Variants in B4GALNT3 observed in about 807,000 individuals in gnomAD.
The protein encoded by B4GALNT3 is beta-1,4-N-acetyl-galactosaminyltransferase 3, also known as beta-1,4-N-acetylgalactosaminyltransferase 3.
In B4GALNT3, 86 loss-of-function variants were observed where a neutral mutation model predicts 120.2. The ratio of observed to expected loss-of-function variants is 0.72; its 90% confidence interval spans 0.60 to 0.86. B4GALNT3 has a LOEUF of 0.86. Ranked by LOEUF, B4GALNT3 falls within the 40% of genes least tolerant of loss-of-function variation. The probability of loss-of-function intolerance (pLI) is 0.00; values close to 1 mark genes in which losing one functional copy is unlikely to be tolerated. For missense variants in B4GALNT3, 1,167 were observed against 1,298.9 expected (o/e 0.90, Z 1.56); for synonymous variants, 518 against 510.4 (o/e 1.01, Z -0.20).
chr12:508,427 G>A (rs1342892398), intron 1 of B4GALNT3, among the ~76,000 whole-genome samples: 1 of 152,252 alleles, frequency 6.6e-6, no homozygotes, highest in South Asian at 2.1e-4. Flanking sequence ...CTACAGGTGT[G>A]TGCCACCATG....
At chr12:497,904 T>C (rs1946403066) in intron 1 of B4GALNT3, among the ~76,000 whole-genome samples, 1 of 152,184 alleles carries the variant, frequency 6.6e-6, no homozygotes, top group Non-Finnish European at 1.5e-5. Flanking sequence ...AACCACTTCC[T>C]AGCCTGTTTA....
rs1311853159 is a variant in B4GALNT3 at position 474,397 on chromosome 12, G to A, written c.169+13852G>A. Reference sequence around the variant, plus strand: ...TAGTACACTTATCAACCTTAGCATTGGATCAGAGTTATTTTTGTCTGTTTG... The same window carrying A: ...TAGTACACTTATCAACCTTAGCATTAGATCAGAGTTATTTTTGTCTGTTTG... On this transcript the variant is annotated intron_variant, in intron 1 of 19. Coordinates refer to ENST00000266383, the MANE Select transcript of B4GALNT3 (RefSeq NM_173593.4). Among the ~76,000 whole-genome samples the A allele has an allele frequency of 3.3e-5, 5 of 152,140 alleles. No homozygotes were observed. In the East Asian group the frequency reaches 9.6e-4, roughly 29 times the overall value.
intron 1 of B4GALNT3, among the ~76,000 whole-genome samples, chr12:498,555 G>A (rs1946410377): frequency 1.3e-5 from 2 of 152,116 alleles, no homozygotes; most frequent in South Asian, 4.2e-4. Flanking sequence ...CTAGCTTTAG[G>A]AGACAAGGAT....
In B4GALNT3 at chr12:543,180, G is replaced by A. The variant is rs115458639; in HGVS notation, c.352-1159G>A. On this transcript the variant is annotated intron_variant, in intron 3 of 19. Transcript: ENST00000266383. The stretch of plus-strand genomic sequence containing the variant: ...AGAGCAGACCTTGTCCCCAAGGCCA[G>A]GCCATGGGGTGAACATCAGCACCAG... The A allele has an allele frequency of 2.7e-4, 347 of 1,289,644 alleles. 3 individuals are homozygous for A. In the African/African-American group the frequency reaches 5.1e-3, roughly 19 times the overall value. The allele number at this position is 1,289,644 out of a possible 1,614,324, so 79.9% of individuals were successfully genotyped here. A position where few individuals can be genotyped will look rare whatever the true frequency, so the allele number is the denominator to read the frequency against.
rs774331919 is a variant in B4GALNT3 at position 548,182 on chromosome 12, A to G, written c.787-49A>G. The G allele has an allele frequency of 8.1e-6, 13 of 1,609,562 alleles. No homozygotes were observed. Among genetic ancestry groups the G allele is most frequent in the Non-Finnish European group, 1.1e-5 (13 of 1,176,036 alleles). On this transcript the variant is annotated intron_variant, in intron 8 of 19. Transcript: ENST00000266383. The surrounding 1 kb of genome is among the most constrained non-coding windows in gnomAD (Gnocchi z 4.9). The stretch of plus-strand genomic sequence containing the variant: ...CCTTGTCCCTTGACCCCTGTTGGAA[A>G]TCCAGCTACCTCCCACCTTCTGCAT...
At chr12:485,595 T>G (rs537714408) in intron 1 of B4GALNT3, among the ~76,000 whole-genome samples, 2 of 152,266 alleles carry the variant, frequency 1.3e-5, no homozygotes, top group African/African-American at 4.8e-5. Flanking sequence ...ATGACAACAA[T>G]GATTCTCAAC....
intron 1 of B4GALNT3, among the ~76,000 whole-genome samples, chr12:480,706 CCTG>C (rs139801914): frequency 0.42 from 63,156 of 151,650 alleles, 13,228 homozygotes; most frequent in Admixed American, 0.52. Context: ...CACCCCTCCT[CCTG>C]TCACCTGAGA....
At chr12:477,013 G>T (rs1356488627) in intron 1 of B4GALNT3, among the ~76,000 whole-genome samples, 1 of 152,140 alleles carries the variant, frequency 6.6e-6, no homozygotes, top group Admixed American at 6.5e-5. Flanking sequence ...GACTTGAGCT[G>T]CCCCTTAAAA....
At chr12:511,652 C>T (rs1946564238) in intron 1 of B4GALNT3, among the ~76,000 whole-genome samples, 1 of 148,080 alleles carries the variant, frequency 6.8e-6, no homozygotes, top group African/African-American at 2.5e-5. Flanking sequence ...CCTTCTTCCA[C>T]CTTCGAGCTT....
chr12:494,376 C>T (rs754842616), intron 1 of B4GALNT3, among the ~76,000 whole-genome samples: 10 of 152,010 alleles, frequency 6.6e-5, no homozygotes, highest in African/African-American at 9.7e-5. Context: ...CATCAGTCAG[C>T]GTTCACATTG....
Position 517,742 on chromosome 12 carries a change from A to G in B4GALNT3, c.170-17424A>G, listed in dbSNP as rs781585286. ...ATGTTATCAAACCCATCCTTCCTGC[A>G]TGAAGCAGGGCTGTGCCATGGGGAA... On this transcript the variant is annotated intron_variant, in intron 1 of 19. Transcript: ENST00000266383. Among the ~76,000 whole-genome samples, 7 of 147,148 alleles carry G rather than the reference A, an allele frequency of 4.8e-5. 1 individual carries two copies. Among genetic ancestry groups the G allele is most frequent in the Middle Eastern group, 3.4e-3 (1 of 290 alleles).
intron 9 of B4GALNT3, 124 bp from the exon 10 acceptor site, chr12:549,645 C>A: frequency 8.0e-7 from 1 of 1,249,076 alleles, no homozygotes; most frequent in Admixed American, 2.1e-5. Flanking sequence ...TGGCTGCGCA[C>A]ATCCTACACC....
intron 1 of B4GALNT3, among the ~76,000 whole-genome samples, chr12:505,933 AT>A (rs1946493098): frequency 6.6e-6 from 1 of 152,190 alleles, no homozygotes; most frequent in South Asian, 2.1e-4. Flanking sequence ...AACTCCATCC[AT>A]CTATTTTTGT....
chr12:561,831 C>A lies in B4GALNT3; in HGVS notation c.*380C>A. ...CACGCCAAGCGCTGACCACCAGACC[C>A]TCTTCTAGTGGACATATTTTATTGG... On this transcript the variant is annotated 3_prime_UTR_variant, in exon 20 of 20. Coordinates refer to ENST00000266383, the MANE Select transcript of B4GALNT3 (RefSeq NM_173593.4). 5.6e-6 allele frequency: 1 copy of A among 179,490 alleles called. No homozygotes were observed. Among genetic ancestry groups the A allele is most frequent in the Non-Finnish European group, 1.2e-5 (1 of 84,916 alleles). The allele number at this position is 179,490 out of a possible 1,614,324, so 11.1% of individuals were successfully genotyped here.
Position 552,522 on chromosome 12 carries a change from C to A in B4GALNT3, c.1264C>A (p.Gln422Lys), listed in dbSNP as rs764251022. ...CCAGCCTGAGAAGCAGGGGCTGGAGCAGCCAGGTACAGAGTGACAGCTGAG... is the reference window on the plus strand; with the variant it reads ...CCAGCCTGAGAAGCAGGGGCTGGAGAAGCCAGGTACAGAGTGACAGCTGAG... ...IDQPEKQGLE[Q>K]PGFEENLLEE... The change falls in exon 13 of 20, where the codon CAG (glutamine) becomes AAG (lysine). Residue 422 changes from glutamine (Q) to lysine (K), a missense_variant. This residue lies in a region of B4GALNT3 where 983 missense variants were observed against 1,102.5 expected (regional missense o/e 0.89). Transcript: ENST00000266383. 1.2e-6 allele frequency: 2 copies of A among 1,613,628 alleles called. No individual in the cohort carries two copies. The highest frequency in any genetic ancestry group is 1.7e-6 in the Non-Finnish European group (2 of 1,179,892).
At chr12:523,706 T>C (rs958881068) in intron 1 of B4GALNT3, among the ~76,000 whole-genome samples, 2 of 152,204 alleles carry the variant, frequency 1.3e-5, no homozygotes, top group South Asian at 4.1e-4. Context: ...AAAATGGAAA[T>C]GATTTTTGGC....
chr12:472,515 G>T (rs918333104), intron 1 of B4GALNT3, among the ~76,000 whole-genome samples: 1 of 152,178 alleles, frequency 6.6e-6, no homozygotes, highest in Admixed American at 6.5e-5. Context: ...TTGGCTCACT[G>T]CAAGCTCCGC....
At chr12:484,152 A>G (rs186035679) in intron 1 of B4GALNT3, among the ~76,000 whole-genome samples, 3 of 152,282 alleles carry the variant, frequency 2.0e-5, no homozygotes, top group African/African-American at 4.8e-5. Flanking sequence ...CCTTGACCCC[A>G]TCAGGAGCAC....
intron 1 of B4GALNT3, among the ~76,000 whole-genome samples, chr12:512,122 GAGCTTCCA>G (rs1946580800): frequency 2.9e-5 from 1 of 34,352 alleles, no homozygotes; most frequent in African/African-American, 1.4e-4. Flanking sequence ...TTCCACCTTC[GAGCTTCCA>G]CCTTCCACCT....
Sources: allele counts gnomAD v4.1 joint callset (sites outside exome capture counted in the v4.1 genomes callset), GRCh38; gene constraint gnomAD v4.1.1; regional missense constraint gnomAD v4.1.1; non-coding constraint Gnocchi (gnomAD v3.1); transcripts MANE v1.5; gene names NCBI Gene and HGNC (gene_info 2026-07-23, HGNC 2026-07-21).